NAA11: variants seen among roughly 807,000 people sequenced by gnomAD.
NAA11 encodes the protein N-alpha-acetyltransferase 11, NatA catalytic subunit.
A neutral mutation model predicts 16.1 loss-of-function variants in NAA11; 15 were observed. The observed-to-expected ratio is 0.93, with a 90% CI of 0.62 to 1.44. The LOEUF (loss-of-function observed/expected upper bound fraction) is 1.44. Among genes scored for constraint, NAA11 ranks in the 40% most tolerant of loss-of-function variants. The pLI is 0.00. For synonymous variants in NAA11, 122 were observed against 112.4 expected, an observed-to-expected ratio of 1.09 and a Z score of -0.54; for missense variants, 298 against 291.3, an observed-to-expected ratio of 1.02 and a Z score of -0.17.
chr4:79,307,918 A>G (rs1408564105), intron 1 of NAA11, among the ~76,000 whole-genome samples: 2 of 152,218 alleles, frequency 1.3e-5, no homozygotes, highest in Non-Finnish European at 2.9e-5. Flanking sequence ...AAATGTATGG[A>G]CCAAGTTTCC....
chr4:79,205,504 G>T, the NAA11 span, among the ~76,000 whole-genome samples: 2 of 151,924 alleles, frequency 1.3e-5, no homozygotes, highest in African/African-American at 4.8e-5. Context: ...GTAGATTCTG[G>T]ATATGAGTTC....
chr4:79,163,223 T>C, the NAA11 span, among the ~76,000 whole-genome samples: 19 of 152,318 alleles, frequency 1.2e-4, no homozygotes, highest in African/African-American at 4.6e-4. Context: ...ACTTGGGTCC[T>C]AGCTATGTGA....
At chr4:79,196,911 C>T in the NAA11 span, among the ~76,000 whole-genome samples, 16 of 118,524 alleles carry the variant, frequency 1.3e-4, no homozygotes, top group Non-Finnish European at 1.6e-4. Context: ...ATAGAAGGGG[C>T]CATGAACCAG....
At chr4:79,172,149 A>G in the NAA11 span, among the ~76,000 whole-genome samples, 2 of 152,090 alleles carry the variant, frequency 1.3e-5, no homozygotes, top group Non-Finnish European at 2.9e-5. Flanking sequence ...CTGAGTCATA[A>G]TCTGTGATTT....
chr4:79,314,662 A>AAAAAAAAAAAAAAAAAC (rs1243074999), downstream of NAA11, among the ~76,000 whole-genome samples: 1 of 147,650 alleles, frequency 6.8e-6, no homozygotes, highest in African/African-American at 2.6e-5. Context: ...AAAAAAAAAA[A>AAAAAAAAAAAAAAAAAC]AAGACTCAGT....
intron 1 of NAA11, among the ~76,000 whole-genome samples, chr4:79,298,107 A>G (rs979334181): frequency 5.3e-5 from 8 of 152,108 alleles, no homozygotes; most frequent in Admixed American, 2.0e-4. Context: ...GCCTGAAGAG[A>G]GGTTCTATCC....
intron 2 of NAA11, among the ~76,000 whole-genome samples, chr4:79,252,970 G>C (rs568824207): frequency 6.6e-6 from 1 of 152,288 alleles, no homozygotes; most frequent in South Asian, 2.1e-4. Flanking sequence ...ACCAGTTAGG[G>C]GTCTCTTGAA....
chr4:79,321,542 G>A (rs1437233634), intron 1 of NAA11, among the ~76,000 whole-genome samples: 1 of 152,178 alleles, frequency 6.6e-6, no homozygotes, highest in Non-Finnish European at 1.5e-5. Context: ...AGATGTAGGA[G>A]AACCATGACC....
At chr4:79,284,486 A>T (rs1005181878) in intron 2 of NAA11, among the ~76,000 whole-genome samples, 11 of 152,098 alleles carry the variant, frequency 7.2e-5, no homozygotes, top group Non-Finnish European at 1.2e-4. Context: ...GATTATTTTT[A>T]AAAAATCTAC....
In NAA11 at chr4:79,325,867, C is replaced by T. The variant is rs769672921; in HGVS notation, c.11G>A (p.Arg4His). 6 of 1,608,300 alleles carry T rather than the reference C, an allele frequency of 3.7e-6. No homozygotes were observed. The South Asian group carries it at 5.6e-5, about 15-fold the overall frequency. The change falls in exon 1 of 2, where the codon CGC becomes CAC. Residue 4 changes from arginine (R) to histidine (H), a missense_variant. Transcript: ENST00000286794. MNIRNAQPDDLMNM... is the reference protein window; with the variant it reads MNIHNAQPDDLMNM... ...CATCAGGTCGTCTGGCTGAGCGTTG[C>T]GGATGTTCATAATGGCAGAGGGTAG...
chr4:79,195,181 G>A, the NAA11 span, among the ~76,000 whole-genome samples: 1 of 152,050 alleles, frequency 6.6e-6, no homozygotes, highest in Non-Finnish European at 1.5e-5. Flanking sequence ...CCCAGAGTTT[G>A]GACTGTAACT....
intron 2 of NAA11, among the ~76,000 whole-genome samples, chr4:79,268,392 A>G (rs892313354): frequency 6.6e-6 from 1 of 152,174 alleles, no homozygotes; most frequent in African/African-American, 2.4e-5. Context: ...TAAAGTTACG[A>G]GAGGTCAATG....
chr4:79,270,188 C>T (rs1722461256), intron 2 of NAA11, among the ~76,000 whole-genome samples: 1 of 151,320 alleles, frequency 6.6e-6, no homozygotes, highest in East Asian at 2.0e-4. Flanking sequence ...GCGATGCGGG[C>T]TCTTTTTTGG....
intron 2 of NAA11, among the ~76,000 whole-genome samples, chr4:79,253,655 G>A (rs560382718): frequency 1.3e-5 from 2 of 152,308 alleles, no homozygotes; most frequent in South Asian, 2.1e-4. Flanking sequence ...GAAGTCCTAC[G>A]ACAGAATATT....
Position 79,243,257 on chromosome 4 carries a change from C to T in NAA11, c.*123-16987G>A, listed in dbSNP as rs145917509. Reference sequence around the variant, plus strand: ...CTCAATTGGAAAAGGGCCAACTGGACGGTTATTTGTATCCTGCACAGCTGC... The same window carrying T: ...CTCAATTGGAAAAGGGCCAACTGGATGGTTATTTGTATCCTGCACAGCTGC... On this transcript the variant is annotated intron_variant and NMD_transcript_variant, in intron 2 of 2. Coordinates refer to the NAA11 transcript ENST00000511542. Among the ~76,000 whole-genome samples the T allele has an allele frequency of 7.8e-4, 118 of 152,224 alleles. 2 individuals carry two copies. The highest frequency in any genetic ancestry group is 3.4e-4 in the African/African-American group (14 of 41,554).
At chr4:79,263,232 A>G (rs1446322087) in intron 2 of NAA11, among the ~76,000 whole-genome samples, 3 of 152,208 alleles carry the variant, frequency 2.0e-5, no homozygotes, top group African/African-American at 7.2e-5. Flanking sequence ...GAAGTACAAG[A>G]TATGGATGAC....
chr4:79,210,402 TG>T, the NAA11 span, among the ~76,000 whole-genome samples: 2 of 152,146 alleles, frequency 1.3e-5, no homozygotes, highest in East Asian at 3.9e-4. Context: ...AGGAACTAGC[TG>T]TTTTTTCTTC....
At chr4:79,271,449 T>C (rs1297645037) in intron 2 of NAA11, among the ~76,000 whole-genome samples, 3 of 152,074 alleles carry the variant, frequency 2.0e-5, no homozygotes, top group Non-Finnish European at 4.4e-5. Context: ...AAATGGACAC[T>C]TTGTATTTTT....
At chr4:79,271,102 G>A (rs1722481908) in intron 2 of NAA11, among the ~76,000 whole-genome samples, 1 of 36,500 alleles carries the variant, frequency 2.7e-5, no homozygotes, top group African/African-American at 1.2e-4. Flanking sequence ...CCTGTTTGCA[G>A]ATGACATGAT....
Sources: allele counts gnomAD v4.1 joint callset (sites outside exome capture counted in the v4.1 genomes callset), GRCh38; gene constraint gnomAD v4.1.1; transcripts MANE v1.5; gene names NCBI Gene and HGNC (gene_info 2026-07-23, HGNC 2026-07-21).